Variants in CADM2 observed in about 807,000 individuals in gnomAD.
CADM2 encodes the protein immunoglobulin superfamily member 4D.
CADM2 carries 12 observed loss-of-function variants against 49.8 expected under a neutral mutation model. That is an observed-to-expected ratio of 0.24 (90% confidence interval 0.15 to 0.39). The LOEUF (loss-of-function observed/expected upper bound fraction) is 0.39, where lower values mean the gene tolerates loss of function less well. Among genes scored for constraint, CADM2 ranks in the 10% least tolerant of loss-of-function variants. The pLI is 1.00. For missense variants in CADM2, 378 were observed against 492.3 expected (o/e 0.77, Z 2.20); for synonymous variants, 214 against 175.4 (o/e 1.22, Z -1.74).
intron 1 of CADM2, among the ~76,000 whole-genome samples, chr3:85,045,471 C>A (rs184802376): frequency 4.6e-5 from 7 of 152,202 alleles, no homozygotes; most frequent in Admixed American, 3.3e-4. Context: ...ATGTATAAGA[C>A]AATCTCTTCT....
chr3:85,485,334 C>T (rs2039373554), intron 1 of CADM2, among the ~76,000 whole-genome samples: 2 of 151,944 alleles, frequency 1.3e-5, no homozygotes, highest in South Asian at 4.1e-4. Flanking sequence ...CCCTCTAACA[C>T]TTTAGATTTG....
At chr3:85,603,756 C>A (rs773173562) in intron 1 of CADM2, among the ~76,000 whole-genome samples, 10 of 151,880 alleles carry the variant, frequency 6.6e-5, no homozygotes, top group Non-Finnish European at 8.8e-5. Flanking sequence ...TTTAAAAGTT[C>A]TCTGCATATT....
chr3:85,903,709 T>C (rs1716433909), intron 5 of CADM2, among the ~76,000 whole-genome samples: 2 of 152,274 alleles, frequency 1.3e-5, no homozygotes, highest in South Asian at 4.1e-4. Context: ...TGATAATGGC[T>C]TCAGCAGGGC....
At chr3:85,757,447 G>T (rs1201091493) in intron 2 of CADM2, among the ~76,000 whole-genome samples, 1 of 151,956 alleles carries the variant, frequency 6.6e-6, no homozygotes, top group Non-Finnish European at 1.5e-5. Context: ...CATGTAACCT[G>T]GTCACAGAAA....
intron 1 of CADM2, among the ~76,000 whole-genome samples, chr3:85,538,292 A>T (rs1047275312): frequency 3.3e-5 from 5 of 152,130 alleles, no homozygotes; most frequent in African/African-American, 1.2e-4. Flanking sequence ...AACCACTTTC[A>T]TGACCATAGT....
chr3:85,487,443 A>C (rs932638513), intron 1 of CADM2, among the ~76,000 whole-genome samples: 6 of 152,124 alleles, frequency 3.9e-5, no homozygotes, highest in African/African-American at 7.2e-5. Flanking sequence ...AGGTGGAAGG[A>C]TCACTTGAGC....
chr3:85,618,233 C>T (rs1353426813), intron 1 of CADM2, among the ~76,000 whole-genome samples: 2 of 151,876 alleles, frequency 1.3e-5, no homozygotes, highest in African/African-American at 2.4e-5. Flanking sequence ...TGAGATATCC[C>T]GGGATCAGAA....
intron 1 of CADM2, among the ~76,000 whole-genome samples, chr3:85,714,310 A>G (rs1425256490): frequency 1.3e-5 from 2 of 151,910 alleles, no homozygotes; most frequent in Admixed American, 1.3e-4. Context: ...AGGCCAGATC[A>G]ACACATGGTC....
chr3:85,221,444 T>C (rs1018889702), intron 1 of CADM2, among the ~76,000 whole-genome samples: 1 of 152,114 alleles, frequency 6.6e-6, no homozygotes, highest in Admixed American at 6.6e-5. Context: ...TTTCAAACTC[T>C]CTTCACACCA....
At chr3:85,805,632 A>G (rs904716022) in intron 3 of CADM2, 1 of 152,170 alleles carries the variant, frequency 6.6e-6, no homozygotes, top group Non-Finnish European at 1.5e-5. Context: ...AAAAGATTCC[A>G]TATTACAATT....
intron 1 of CADM2, among the ~76,000 whole-genome samples, chr3:85,627,545 A>T (rs1301538504): frequency 1.3e-5 from 2 of 152,068 alleles, no homozygotes; most frequent in African/African-American, 4.8e-5. Flanking sequence ...TAGCCACCTG[A>T]GTATTCTGTA....
intron 1 of CADM2, among the ~76,000 whole-genome samples, chr3:85,462,077 A>G (rs901735874): frequency 1.3e-5 from 2 of 152,110 alleles, no homozygotes; most frequent in African/African-American, 4.8e-5. Flanking sequence ...GTGATCCCTT[A>G]AGACCATTTA....
chr3:85,192,129 G>T (rs1393123506), intron 1 of CADM2, among the ~76,000 whole-genome samples: 1 of 151,724 alleles, frequency 6.6e-6, no homozygotes, highest in African/African-American at 2.4e-5. Flanking sequence ...AAATTGTCTA[G>T]AAAGAAGCAT....
intron 4 of CADM2, among the ~76,000 whole-genome samples, chr3:85,884,361 T>C (rs1464141155): frequency 6.6e-6 from 1 of 152,214 alleles, no homozygotes; most frequent in Non-Finnish European, 1.5e-5. Context: ...AGCTAGTGAA[T>C]TGGTTTTGTG....
chr3:86,036,712 C>G (rs1360622632), intron 8 of CADM2, among the ~76,000 whole-genome samples: 1 of 152,078 alleles, frequency 6.6e-6, no homozygotes, highest in Non-Finnish European at 1.5e-5. Flanking sequence ...GTCTCCTCAA[C>G]TGTAAAATGG....
intron 1 of CADM2, among the ~76,000 whole-genome samples, chr3:85,320,880 A>G (rs2044580722): frequency 2.0e-5 from 3 of 151,536 alleles, no homozygotes; most frequent in African/African-American, 7.3e-5. Flanking sequence ...GAAAGGAAGT[A>G]CACTGAAAAT....
intron 2 of CADM2, among the ~76,000 whole-genome samples, chr3:85,777,492 T>C (rs2070416104): frequency 6.6e-6 from 1 of 152,060 alleles, no homozygotes; most frequent in Admixed American, 6.6e-5. Context: ...TAACTTCAGG[T>C]GATCAGCCCG....
chr3:85,045,866 T>A (rs545189181), intron 1 of CADM2, among the ~76,000 whole-genome samples: 217 of 152,136 alleles, frequency 1.4e-3, no homozygotes, highest in Non-Finnish European at 1.5e-3. Flanking sequence ...AAAAAACACA[T>A]TCCATATTCT....
At chr3:85,853,585 T>TACC (rs1559701611) in intron 3 of CADM2, among the ~76,000 whole-genome samples, 16 of 152,030 alleles carry the variant, frequency 1.1e-4, no homozygotes, top group African/African-American at 3.9e-4. Flanking sequence ...ACTTATAAAT[T>TACC]TGTAATACTT....
Sources: gnomAD v4.1 joint callset for allele counts (sites outside exome capture counted in the v4.1 genomes callset) on GRCh38, gnomAD v4.1.1 for gene constraint, MANE v1.5 for transcripts, NCBI Gene and HGNC (gene_info 2026-07-23, HGNC 2026-07-21) for gene names.